Variants in DACT1 observed in about 807,000 individuals in gnomAD.
DACT1 encodes the protein dapper homolog 1.
A neutral mutation model predicts 35.3 loss-of-function variants in DACT1; 19 were observed. The ratio of observed to expected loss-of-function variants is 0.54; its 90% CI spans 0.38 to 0.79. DACT1 has a LOEUF of 0.79. DACT1 is among the 30% of genes least tolerant of loss of function. The probability of loss-of-function intolerance (pLI) is 0.00; values close to 1 mark genes in which losing one functional copy is unlikely to be tolerated. For synonymous variants in DACT1, 545 were observed against 466.7 expected, an observed-to-expected ratio of 1.17 and a Z score of -2.16; for missense variants, 1,143 against 1,057.5, an observed-to-expected ratio of 1.08 and a Z score of -1.12.
intron 1 of DACT1, among the ~76,000 whole-genome samples, chr14:58,640,119 G>A (rs2140212977): frequency 6.6e-6 from 1 of 152,310 alleles, no homozygotes; most frequent in South Asian, 2.1e-4. Flanking sequence ...CAATCCATCT[G>A]TCACCTTTGG....
Position 58,646,457 on chromosome 14 carries a change from T to A in DACT1, c.1723T>A (p.Cys575Ser). The change falls in exon 4 of 4, where the codon TGT becomes AGT. Residue 575 changes from cysteine (C) to serine (S), a missense_variant. Physicochemically the swap from Cys to Ser is moderately radical, Grantham distance 112. Around this residue, in one of 3 missense-constraint regions of DACT1, gnomAD observed 1,054 missense variants for 958.8 expected, o/e 1.10. Transcript: ENST00000395153. ...REKTRAGSKK[C>S]RFPDDLDTNK... ...GAAAACGCGGGCCGGGAGCAAGAAGTGTCGCTTCCCAGATGACTTGGATAC... is the reference window on the plus strand; with the variant it reads ...GAAAACGCGGGCCGGGAGCAAGAAGAGTCGCTTCCCAGATGACTTGGATAC... 6.3e-7 allele frequency: 1 copy of A among 1,579,702 alleles called. No homozygotes were observed.
chr14:58,639,766 A>C (rs1204350495), intron 1 of DACT1, among the ~76,000 whole-genome samples: 1 of 152,260 alleles, frequency 6.6e-6, no homozygotes, highest in African/African-American at 2.4e-5. Flanking sequence ...TTTGTGTAAT[A>C]TCTCTGTTTT....
chr14:58,646,660 G>C lies in DACT1; in HGVS notation c.1926G>C (p.Trp642Cys). Residue 642 changes from tryptophan to cysteine, a missense_variant, in exon 4 of 4, where the codon TGG (tryptophan) becomes TGC (cysteine). By Grantham distance (215) the Trp-to-Cys change is radical. Around this residue, in one of 3 missense-constraint regions of DACT1, gnomAD observed 1,054 missense variants for 958.8 expected, o/e 1.10. Transcript: ENST00000395153. ...ACAAGCGAACTGACTACCGGCGGTGGAAGTCCTCGGCCGAGATTTCCTACG... is the reference window on the plus strand; with the variant it reads ...ACAAGCGAACTGACTACCGGCGGTGCAAGTCCTCGGCCGAGATTTCCTACG... ...PKHKRTDYRRWKSSAEISYEE... is the reference protein window; with the variant it reads ...PKHKRTDYRRCKSSAEISYEE... 7 of 1,612,162 alleles carry C rather than the reference G, an allele frequency of 4.3e-6. No homozygotes were observed. Among genetic ancestry groups the C allele is most frequent in the Non-Finnish European group, 5.9e-6 (7 of 1,179,596 alleles).
At chr14:58,634,722 A>G (rs571536503), upstream of DACT1, among the ~76,000 whole-genome samples, 9 of 152,366 alleles carry the variant, frequency 5.9e-5, no homozygotes, top group African/African-American at 2.2e-4. Flanking sequence ...AAAATGTGCA[A>G]CTGATGCCCC....
Position 58,646,664 on chromosome 14 carries a change from T to G in DACT1, c.1930T>G (p.Ser644Ala). The change falls in exon 4 of 4, where the codon TCC (serine) becomes GCC (alanine). Residue 644 changes from serine (S) to alanine (A), a missense_variant. Ser to Ala is a moderately conservative substitution (Grantham distance 99). Around this residue, in one of 3 missense-constraint regions of DACT1, gnomAD observed 1,054 missense variants for 958.8 expected, o/e 1.10. Transcript: ENST00000395153. ...HKRTDYRRWKSSAEISYEEAL... is the reference protein window; with the variant it reads ...HKRTDYRRWKASAEISYEEAL... The stretch of plus-strand genomic sequence containing the variant: ...GCGAACTGACTACCGGCGGTGGAAG[T>G]CCTCGGCCGAGATTTCCTACGAAGA... 6.2e-7 allele frequency: 1 copy of G among 1,612,028 alleles called. No homozygotes were observed. The highest frequency in any genetic ancestry group is 1.1e-5 in the South Asian group (1 of 91,034).
In DACT1 at chr14:58,641,476, G is replaced by T. The variant is rs1056203457; in HGVS notation, c.479-116G>T. On this transcript the variant is annotated intron_variant, in intron 2 of 3. Transcript: ENST00000395153. ...ACCAAAGTCCAATGAATCAAAATTG[G>T]CCAAAAAACAAACAAAAAATCTCCT... 8 of 1,202,606 alleles carry T rather than the reference G, an allele frequency of 6.7e-6. No individual in the cohort carries two copies. The African/African-American group carries it at 1.2e-4, about 18-fold the overall frequency. 74.5% of individuals were successfully genotyped at this position (1,202,606 alleles called of 1,614,324 possible). A position where few individuals can be genotyped will look rare whatever the true frequency, so the allele number is the denominator to read the frequency against.
Position 58,647,162 on chromosome 14 carries a change from G to A in DACT1, c.*28G>A. The A allele has an allele frequency of 1.3e-6, 2 of 1,589,910 alleles. No individual in the cohort carries two copies. The highest frequency in any genetic ancestry group is 2.2e-5 in the East Asian group (1 of 44,582). ...GACATCATTGGTGTAGAAAGTTTGT[G>A]TGTTTTTTTTTCTTCTCCCTAGTTG... On this transcript the variant is annotated 3_prime_UTR_variant, in exon 4 of 4. Transcript: ENST00000395153.
Position 58,646,928 on chromosome 14 carries a change from G to A in DACT1, c.2194G>A (p.Glu732Lys). The A allele has an allele frequency of 3.1e-6, 5 of 1,614,110 alleles. No individual in the cohort carries two copies. The highest frequency in any genetic ancestry group is 1.6e-4 in the Middle Eastern group (1 of 6,062). ...SSVSEGEFVG[E>K]STTTSDSEES... Reference sequence around the variant, plus strand: ...TGTGAGCGAGGGCGAGTTCGTGGGGGAGAGCACAACCACCAGCGACTCTGA... The same window carrying A: ...TGTGAGCGAGGGCGAGTTCGTGGGGAAGAGCACAACCACCAGCGACTCTGA... Residue 732 changes from glutamate (E) to lysine (K), a missense_variant, in exon 4 of 4, where the codon GAG becomes AAG. Glu to Lys is a moderately conservative substitution (Grantham distance 56). Transcript: ENST00000395153.
At chr14:58,638,571 C>A (rs777195162) in intron 1 of DACT1, 24 bp downstream of exon 1, 1 of 1,321,850 alleles carries the variant, frequency 7.6e-7, no homozygotes, top group East Asian at 2.8e-5. Flanking sequence ...GAAGGTGGAG[C>A]ACGGCTGTTC....
At chr14:58,643,643 T>C (rs1263344072) in intron 3 of DACT1, among the ~76,000 whole-genome samples, 2 of 152,252 alleles carry the variant, frequency 1.3e-5, no homozygotes, top group African/African-American at 4.8e-5. Context: ...TAGGTTTTCC[T>C]TCAAGACAGA....
rs371581312 is a variant in DACT1, at chr14:58,646,087, G to T, written c.1353G>T (p.Glu451Asp). The change falls in exon 4 of 4, where the codon GAG becomes GAT. Residue 451 changes from glutamate to aspartate, a missense_variant. Coordinates refer to ENST00000395153, the MANE Select transcript of DACT1 (RefSeq NM_001079520.2). ...AGCTCTCAGGGGCCTCTCCAAAAGA[G>T]AGTCCTAGCAGAGGCCCTGCCCCGC... ...SAQLSGASPKESPSRGPAPPQ... is the reference protein window; with the variant it reads ...SAQLSGASPKDSPSRGPAPPQ... The T allele has an allele frequency of 6.2e-7, 1 of 1,613,368 alleles. No homozygotes were observed. The highest frequency in any genetic ancestry group is 8.5e-7 in the Non-Finnish European group (1 of 1,179,798).
At chr14:58,636,348 C>T (rs1324666059), upstream of DACT1, among the ~76,000 whole-genome samples, 1 of 152,200 alleles carries the variant, frequency 6.6e-6, no homozygotes, top group African/African-American at 2.4e-5. Context: ...TCGAGTCTCT[C>T]TCTAGCAATT....
chr14:58,646,852 G>A lies in DACT1; in HGVS notation c.2118G>A (p.Glu706=). 6.2e-7 allele frequency: 1 copy of A among 1,614,208 alleles called. No individual in the cohort carries two copies. The highest frequency in any genetic ancestry group is 1.3e-5 in the African/African-American group (1 of 75,066). ...ACTCCACCGTGGTGGACACCAGTGA[G>A]GACGAGCAGAGCAATTACACCACCA... ...LFHSTVVDTS[E]DEQSNYTTNC... The change falls in exon 4 of 4, where the codon GAG becomes GAA. Residue 706 remains glutamate (E), a synonymous_variant. Transcript: ENST00000395153.
chr14:58,640,072 AG>A (rs769499307), intron 1 of DACT1, among the ~76,000 whole-genome samples: 2 of 152,198 alleles, frequency 1.3e-5, no homozygotes, highest in Non-Finnish European at 2.9e-5. Flanking sequence ...CCGTTTTTCC[AG>A]CAATAGGAAG....
chr14:58,643,730 T>G (rs2047648429), intron 3 of DACT1, among the ~76,000 whole-genome samples: 4 of 152,216 alleles, frequency 2.6e-5, no homozygotes, highest in African/African-American at 9.7e-5. Flanking sequence ...GATATCTGTT[T>G]TGTTCAACTC....
chr14:58,638,539 AAGCAATT>A lies in DACT1; in HGVS notation c.338_344del (p.Lys113ArgfsTer4). On this transcript the variant is annotated frameshift_variant and splice_region_variant, in exon 1 of 4. Coordinates refer to ENST00000395153, the MANE Select transcript of DACT1 (RefSeq NM_001079520.2). LOFTEE classifies it high-confidence loss of function. The stretch of plus-strand genomic sequence containing the variant: ...GGAGGAGAACATCTTGCTGCTAAGA[AAGCAATT>A]GGTAGGTCGTGCCCGAAGGTGGAGC... 7.4e-7 allele frequency: 1 copy of A among 1,343,928 alleles called. No individual in the cohort carries two copies. Among genetic ancestry groups the A allele is most frequent in the Non-Finnish European group, 9.6e-7 (1 of 1,040,568 alleles). 83.3% of individuals were successfully genotyped at this position (1,343,928 alleles called of 1,614,324 possible).
At position 58,638,196 on chromosome 14, in the gene DACT1, G is replaced by C; in HGVS notation, c.-7G>C. On this transcript the variant is annotated 5_prime_UTR_variant, in exon 1 of 4. Transcript: ENST00000395153. ...CGGTGACGGCTCTCGCTGCCCGACT[G>C]GGGGCCATGAAGCCGAGTCCGGCCG... 7.6e-7 allele frequency: 1 copy of C among 1,317,956 alleles called. No homozygotes were observed. Among genetic ancestry groups the C allele is most frequent in the Non-Finnish European group, 9.7e-7 (1 of 1,035,810 alleles). The allele number at this position is 1,317,956 out of a possible 1,614,324, so 81.6% of individuals were successfully genotyped here.
Position 58,640,730 on chromosome 14 carries a change from A to C in DACT1, c.346-6A>C. 6.2e-7 allele frequency: 1 copy of C among 1,614,000 alleles called. No individual in the cohort carries two copies. Among genetic ancestry groups the C allele is most frequent in the Non-Finnish European group, 8.5e-7 (1 of 1,179,956 alleles). On this transcript the variant is annotated splice_polypyrimidine_tract_variant and splice_region_variant and intron_variant, in intron 1 of 3. Transcript: ENST00000395153. ...GTTCATGTTTCCTTTGTTTCTTCCTAATCAGAACTGTTTGAGGCGAAGAGA... is the reference window on the plus strand; with the variant it reads ...GTTCATGTTTCCTTTGTTTCTTCCTCATCAGAACTGTTTGAGGCGAAGAGA...
In DACT1 at chr14:58,638,906, A is replaced by G. The variant is rs5027222; in HGVS notation, c.345+359A>G. ...TATGCCCTCTCCCCAGCGGTTTGCAAACTCCCACTTAAAATACCATTTTAT... is the reference window on the plus strand; with the variant it reads ...TATGCCCTCTCCCCAGCGGTTTGCAGACTCCCACTTAAAATACCATTTTAT... On this transcript the variant is annotated intron_variant, in intron 1 of 3. Coordinates refer to ENST00000395153, the MANE Select transcript of DACT1 (RefSeq NM_001079520.2). The G allele has an allele frequency of 2.6e-3, 2,659 of 1,018,678 alleles. 53 individuals carry two copies. The African/African-American group carries it at 0.042, about 16-fold the overall frequency. The allele number at this position is 1,018,678 out of a possible 1,614,324, so 63.1% of individuals were successfully genotyped here. A position where few individuals can be genotyped will look rare whatever the true frequency, so the allele number is the denominator to read the frequency against.
Sources: gnomAD v4.1 joint callset for allele counts (sites outside exome capture counted in the v4.1 genomes callset) on GRCh38, gnomAD v4.1.1 for gene constraint, gnomAD v4.1.1 regional missense constraint, MANE v1.5 for transcripts, NCBI Gene and HGNC (gene_info 2026-07-23, HGNC 2026-07-21) for gene names.